The following CD40 variants were observed in gnomAD, a reference collection of about 807,000 sequenced individuals.
CD40 encodes the protein CD40 molecule.
Under a neutral mutation model 38.5 loss-of-function variants are expected in CD40, and 19 were observed. That is an observed-to-expected ratio of 0.49 (90% CI 0.34 to 0.72). The LOEUF (loss-of-function observed/expected upper bound fraction) is 0.72, where lower values mean the gene tolerates loss of function less well. Among genes scored for constraint, CD40 ranks in the 30% least tolerant of loss-of-function variants. The pLI is 0.01. For missense variants in CD40, 256 were observed against 344.1 expected (o/e 0.74, Z 2.03); for synonymous variants, 130 against 128.7 (o/e 1.01, Z -0.07).
chr20:46,123,305 C>A, intron 5 of CD40, 86 bp downstream of exon 5: 3 of 1,009,208 alleles, frequency 3.0e-6, no homozygotes, highest in Non-Finnish European at 4.8e-6. Context: ...CCTGTCCCTG[C>A]TCCCAGAGGT....
intron 5 of CD40, among the ~76,000 whole-genome samples, chr20:46,125,951 A>G (rs1379604327): frequency 1.3e-5 from 2 of 152,086 alleles, no homozygotes; most frequent in African/African-American, 4.8e-5. Flanking sequence ...ACATCGTCCC[A>G]CTTAGCGGGA....
rs147301204 is a variant in CD40, at chr20:46,123,008, C to T, written c.404-118C>T. ...GCAGCTGTCGGGGGCAGTACCACAT[C>T]GGGGGAAGAGTGCTCAAGGCAGGAG... On this transcript the variant is annotated intron_variant, in intron 4 of 8. Coordinates refer to ENST00000372285, the MANE Select transcript of CD40 (RefSeq NM_001250.6). 3.6e-4 allele frequency: 342 copies of T among 938,794 alleles called. 1 individual carries two copies. The East Asian group carries it at 7.0e-3, about 19-fold the overall frequency. 58.2% of individuals were successfully genotyped at this position (938,794 alleles called of 1,614,324 possible). A position where few individuals can be genotyped will look rare whatever the true frequency, so the allele number is the denominator to read the frequency against.
At position 46,122,500 on chromosome 20, in the gene CD40, A is replaced by G. The variant is rs544756110; in HGVS notation, c.257-110A>G. ...CTGATCATTAAATGATTTGATTGCC[A>G]TCTCTACTTGGAAGAGGGTCTGAGG... On this transcript the variant is annotated intron_variant, in intron 3 of 8. Coordinates refer to ENST00000372285, the MANE Select transcript of CD40 (RefSeq NM_001250.6). This position sits in a 1 kb window ranked among gnomAD's most constrained non-coding sequence, Gnocchi z 5.0. 6.0e-5 allele frequency: 95 copies of G among 1,572,680 alleles called. No homozygotes were observed. The highest frequency in any genetic ancestry group is 8.1e-5 in the Non-Finnish European group (93 of 1,144,066).
chr20:46,123,261 C>G, intron 5 of CD40, 42 bp downstream of exon 5: 1 of 1,428,190 alleles, frequency 7.0e-7, no homozygotes, highest in Non-Finnish European at 9.9e-7. Flanking sequence ...CTAAGAGTGG[C>G]ATGGAGCTGC....
At chr20:46,128,416 C>A in intron 8 of CD40, 58 bp downstream of exon 8, 1 of 1,582,864 alleles carries the variant, frequency 6.3e-7, no homozygotes, top group Admixed American at 1.7e-5. Flanking sequence ...GATGGCCTCA[C>A]GGTTGCCTAT....
At chr20:46,125,035 G>C (rs1174724561) in intron 5 of CD40, among the ~76,000 whole-genome samples, 1 of 151,380 alleles carries the variant, frequency 6.6e-6, no homozygotes, top group Non-Finnish European at 1.5e-5. Context: ...CCAAAGTGCT[G>C]GGATTACAGG....
chr20:46,126,916 A>C, intron 6 of CD40: 1 of 690,676 alleles, frequency 1.4e-6, no homozygotes, highest in Non-Finnish European at 2.4e-6. Context: ...TGATAACAGC[A>C]CTTCCTTAGT....
intron 1 of CD40, 167 bp from the exon 2 acceptor site, chr20:46,121,653 G>A: frequency 1.4e-6 from 1 of 709,168 alleles, no homozygotes; most frequent in East Asian, 2.6e-5. Context: ...CAGCTCAGTT[G>A]ACAATTTACT....
chr20:46,126,715 A>C lies in CD40; in HGVS notation c.559+14A>C. ...ATGTTGTCTGTGGTGAGTCCTGGAC[A>C]ATGGGCCCTGGAGAAAGCCTAGGAA... On this transcript the variant is annotated intron_variant, in intron 6 of 8. Transcript: ENST00000372285. 1 of 1,613,970 alleles carries C rather than the reference A, an allele frequency of 6.2e-7. No individual in the cohort carries two copies.
intron 8 of CD40, 68 bp downstream of exon 8, chr20:46,128,426 T>C: frequency 6.5e-7 from 1 of 1,548,392 alleles, no homozygotes; most frequent in South Asian, 1.1e-5. Context: ...CGGTTGCCTA[T>C]GGGGCAGTAA....
In CD40 at chr20:46,123,274, CCATT is replaced by C. The variant is rs1197882454; in HGVS notation, c.497+57_497+60del. The C allele has an allele frequency of 4.7e-6, 6 of 1,274,846 alleles. No homozygotes were observed. In the African/African-American group the frequency reaches 7.3e-5, roughly 16 times the overall value. 79.0% of individuals were successfully genotyped at this position (1,274,846 alleles called of 1,614,324 possible). On this transcript the variant is annotated intron_variant, in intron 5 of 8. Coordinates refer to ENST00000372285, the MANE Select transcript of CD40 (RefSeq NM_001250.6). ...CTCTAAGAGTGGCATGGAGCTGCCTCCATTCTCTCCAGCCACCTGTCCTGTCCCT... is the reference window on the plus strand; with the variant it reads ...CTCTAAGAGTGGCATGGAGCTGCCTCCTCTCCAGCCACCTGTCCTGTCCCT...
In CD40 at chr20:46,128,782, G is replaced by C. The variant is rs377159383; in HGVS notation, c.676-100G>C. On this transcript the variant is annotated intron_variant, in intron 8 of 8. Transcript: ENST00000372285. ...AGCACTGACCCGCCGTCTGGGAAAG[G>C]GGGGAGGGCTTGGGGAAGGGATCCG... The C allele has an allele frequency of 5.2e-4, 678 of 1,297,532 alleles. 1 individual carries two copies. Among genetic ancestry groups the C allele is most frequent in the Non-Finnish European group, 7.0e-4 (634 of 909,320 alleles). 80.4% of individuals were successfully genotyped at this position (1,297,532 alleles called of 1,614,324 possible). A position where few individuals can be genotyped will look rare whatever the true frequency, so the allele number is the denominator to read the frequency against.
At chr20:46,120,542 G>A (rs773866847) in intron 1 of CD40, among the ~76,000 whole-genome samples, 1 of 152,270 alleles carries the variant, frequency 6.6e-6, no homozygotes, top group South Asian at 2.1e-4. Flanking sequence ...TTTTCAAAGA[G>A]GAAGTCTCTG....
chr20:46,126,344 C>T (rs1215662282), intron 5 of CD40, among the ~76,000 whole-genome samples: 1 of 152,180 alleles, frequency 6.6e-6, no homozygotes, highest in Non-Finnish European at 1.5e-5. Flanking sequence ...GAACCATTCC[C>T]ATCTCACTTT....
Position 46,129,507 on chromosome 20 carries a change from A to G in CD40, c.*467A>G. The G allele has an allele frequency of 5.2e-6, 1 of 192,658 alleles. No homozygotes were observed. Among genetic ancestry groups the G allele is most frequent in the Admixed American group, 5.3e-5 (1 of 18,834 alleles). 11.9% of individuals were successfully genotyped at this position (192,658 alleles called of 1,614,324 possible). A position where few individuals can be genotyped will look rare whatever the true frequency, so the allele number is the denominator to read the frequency against. ...GACTGGCTAAATAAAATTAGAATAT[A>G]TTTATACAACAGAATCTCAAAAACA... On this transcript the variant is annotated 3_prime_UTR_variant, in exon 9 of 9. Transcript: ENST00000372285.
Position 46,128,366 on chromosome 20 carries a change from A to G in CD40, c.675+8A>G. 1.3e-6 allele frequency: 2 copies of G among 1,592,374 alleles called. No individual in the cohort carries two copies. Among genetic ancestry groups the G allele is most frequent in the Non-Finnish European group, 8.5e-7 (1 of 1,175,368 alleles). ...AAGAAGCCAACCAATAAGGTAGGTC[A>G]CCCCTGAGAACCCGGGACAGAGTTT... On this transcript the variant is annotated splice_region_variant and intron_variant, in intron 8 of 8. Coordinates refer to ENST00000372285, the MANE Select transcript of CD40 (RefSeq NM_001250.6).
intron 6 of CD40, 168 bp from the exon 7 acceptor site, chr20:46,127,970 C>A: frequency 7.6e-7 from 1 of 1,323,032 alleles, no homozygotes; most frequent in Non-Finnish European, 1.0e-6. Context: ...TGTTCTGGCT[C>A]CTTTAAAGAC....
chr20:46,129,078 C>A lies in CD40; in HGVS notation c.*38C>A. 1 of 1,610,928 alleles carries A rather than the reference C, an allele frequency of 6.2e-7. No individual in the cohort carries two copies. Among genetic ancestry groups the A allele is most frequent in the South Asian group, 1.1e-5 (1 of 91,024 alleles). On this transcript the variant is annotated 3_prime_UTR_variant, in exon 9 of 9. Coordinates refer to ENST00000372285, the MANE Select transcript of CD40 (RefSeq NM_001250.6). ...CCAGGAGTGTGGCCACGTGGGCAAA[C>A]AGGCAGTTGGCCAGAGAGCCTGGTG... is the stretch of plus-strand genomic sequence containing the variant.
In CD40 at chr20:46,127,877, G is replaced by A. The variant is rs116298491; in HGVS notation, c.560-261G>A. On this transcript the variant is annotated intron_variant, in intron 6 of 8. Coordinates refer to ENST00000372285, the MANE Select transcript of CD40 (RefSeq NM_001250.6). Reference sequence around the variant, plus strand: ...AACTGGAACCCAGTCTTCCCAGTTTGTAAGAGAAATCAGATGTCTAGGTTT... The same window carrying A: ...AACTGGAACCCAGTCTTCCCAGTTTATAAGAGAAATCAGATGTCTAGGTTT... 6.5e-4 allele frequency: 379 copies of A among 584,864 alleles called. No individual in the cohort carries two copies. The African/African-American group carries it at 6.5e-3, about 10-fold the overall frequency. The allele number at this position is 584,864 out of a possible 1,614,324, so 36.2% of individuals were successfully genotyped here.
Sources: gnomAD v4.1 joint callset for allele counts (sites outside exome capture counted in the v4.1 genomes callset) on GRCh38, gnomAD v4.1.1 for gene constraint, Gnocchi (gnomAD v3.1) non-coding constraint, MANE v1.5 for transcripts, NCBI Gene and HGNC (gene_info 2026-07-23, HGNC 2026-07-21) for gene names.